NELL1: variants seen among roughly 807,000 people sequenced by gnomAD.
NELL1 encodes neural EGFL like 1.
Under a neutral mutation model 107.4 loss-of-function variants are expected in NELL1, and 76 were observed. The ratio of observed to expected loss-of-function variants is 0.71; its 90% CI spans 0.59 to 0.86. NELL1 has a LOEUF of 0.86. NELL1 is among the 40% of genes least tolerant of loss of function. NELL1 has a pLI of 0.00. For synonymous variants in NELL1, 353 were observed against 341.2 expected (o/e 1.03, Z -0.38); for missense variants, 1,024 against 1,005.5 (o/e 1.02, Z -0.25).
At chr11:20,878,284 G>A (rs751706880) in intron 4 of NELL1, among the ~76,000 whole-genome samples, 10 of 148,232 alleles carry the variant, frequency 6.7e-5, no homozygotes, top group Non-Finnish European at 1.2e-4. Flanking sequence ...GTGTGAACCC[G>A]TGAGGTGGAG....
In NELL1 at chr11:21,143,728, G is replaced by C. The variant is rs1322542471; in HGVS notation, c.1426+30014G>C. 2.6e-5 allele frequency among the ~76,000 whole-genome samples: 4 copies of C among 152,198 alleles called. No individual in the cohort carries two copies. The East Asian group carries it at 7.7e-4, about 29-fold the overall frequency. ...GGTTTCTATGGTTGTGCAGTAGTAA[G>C]TCAGGAAATCTCATGGTGACCATTG... On this transcript the variant is annotated intron_variant, in intron 13 of 19. Transcript: ENST00000357134.
intron 2 of NELL1, among the ~76,000 whole-genome samples, chr11:20,741,846 C>A (rs1519730): frequency 0.63 from 95,382 of 152,118 alleles, 30,232 homozygotes; most frequent in Middle Eastern, 0.76. Flanking sequence ...GTTAGCCACC[C>A]CTTCCTGCAA....
At chr11:21,463,125 T>C (rs918874997) in intron 15 of NELL1, among the ~76,000 whole-genome samples, 9 of 152,082 alleles carry the variant, frequency 5.9e-5, no homozygotes, top group Non-Finnish European at 2.9e-5. Flanking sequence ...CTCTGTCTTC[T>C]GAGTTATGGT....
chr11:20,860,820 G>T (rs1318560969), intron 4 of NELL1, among the ~76,000 whole-genome samples: 1 of 152,212 alleles, frequency 6.6e-6, no homozygotes, highest in African/African-American at 2.4e-5. Context: ...AGGCATGAAG[G>T]AGTGGAGGAG....
intron 1 of NELL1, among the ~76,000 whole-genome samples, chr11:20,676,251 A>AT (rs1555051261): frequency 1.5e-5 from 2 of 135,716 alleles, no homozygotes; most frequent in African/African-American, 5.4e-5. Context: ...CTAAAGTAGG[A>AT]CCCCCCCATC....
chr11:21,502,289 A>G (rs1564927967), intron 15 of NELL1, among the ~76,000 whole-genome samples: 1 of 152,182 alleles, frequency 6.6e-6, no homozygotes, highest in Non-Finnish European at 1.5e-5. Flanking sequence ...TATGTGGGAA[A>G]ACTAAGGATT....
intron 16 of NELL1, among the ~76,000 whole-genome samples, chr11:21,536,216 G>A (rs1186965407): frequency 1.3e-5 from 2 of 152,154 alleles, no homozygotes; most frequent in African/African-American, 2.4e-5. Flanking sequence ...AAGGTAGTGA[G>A]CATAGTACAC....
chr11:21,550,955 G>C (rs1236749886), intron 16 of NELL1, among the ~76,000 whole-genome samples: 1 of 151,216 alleles, frequency 6.6e-6, no homozygotes, highest in Non-Finnish European at 1.5e-5. Flanking sequence ...TCACGATGTT[G>C]ATTCTTCCTA....
intron 2 of NELL1, among the ~76,000 whole-genome samples, chr11:20,745,256 G>C (rs979767222): frequency 6.6e-6 from 1 of 152,094 alleles, no homozygotes; most frequent in Admixed American, 6.6e-5. Flanking sequence ...ATTTTTATAT[G>C]CCTTAAAGCC....
chr11:21,103,870 C>G (rs188684134), intron 12 of NELL1, among the ~76,000 whole-genome samples: 2 of 152,254 alleles, frequency 1.3e-5, no homozygotes, highest in African/African-American at 4.8e-5. Context: ...TCTTCTTTCT[C>G]TTGTAGAAAT....
chr11:21,182,540 G>A (rs1157432682), intron 13 of NELL1, among the ~76,000 whole-genome samples: 1 of 151,478 alleles, frequency 6.6e-6, no homozygotes, highest in Non-Finnish European at 1.5e-5. Flanking sequence ...TTATAAGAGA[G>A]AATTTAATAT....
chr11:21,004,616 A>T (rs1852291262), intron 12 of NELL1, among the ~76,000 whole-genome samples: 1 of 152,112 alleles, frequency 6.6e-6, no homozygotes, highest in African/African-American at 2.4e-5. Context: ...TATGTCCATG[A>T]TTAAGTGAGA....
At chr11:21,335,711 C>T (rs1277487359) in intron 14 of NELL1, among the ~76,000 whole-genome samples, 1 of 152,026 alleles carries the variant, frequency 6.6e-6, no homozygotes, top group Non-Finnish European at 1.5e-5. Flanking sequence ...AAACGCAAAT[C>T]CATTTGTACA....
intron 14 of NELL1, among the ~76,000 whole-genome samples, chr11:21,264,967 G>A (rs1848608099): frequency 6.6e-6 from 1 of 152,006 alleles, no homozygotes; most frequent in African/African-American, 2.4e-5. Context: ...TAGATAGGGA[G>A]AAAGATAATT....
intron 12 of NELL1, among the ~76,000 whole-genome samples, chr11:20,977,437 T>G (rs1365130100): frequency 6.6e-6 from 1 of 151,964 alleles, no homozygotes; most frequent in Non-Finnish European, 1.5e-5. Flanking sequence ...GCTAATTTTT[T>G]TGTATTTTAC....
intron 12 of NELL1, among the ~76,000 whole-genome samples, chr11:20,995,825 G>A (rs1852079547): frequency 6.6e-6 from 1 of 152,114 alleles, no homozygotes; most frequent in Non-Finnish European, 1.5e-5. Context: ...CCTCCTTAGA[G>A]CTAATCTGGC....
intron 12 of NELL1, among the ~76,000 whole-genome samples, chr11:21,112,799 A>G (rs913024345): frequency 5.3e-5 from 8 of 152,030 alleles, no homozygotes; most frequent in Non-Finnish European, 7.4e-5. Flanking sequence ...TTGGATTCCC[A>G]TGATGTACTC....
At chr11:21,337,837 T>TTTCTTGCTTGC (rs71034505) in intron 14 of NELL1, among the ~76,000 whole-genome samples, 1 of 86,652 alleles carries the variant, frequency 1.2e-5, no homozygotes, top group Non-Finnish European at 2.3e-5. Flanking sequence ...TCTTTCTTTC[T>TTTCTTGCTTGC]TTTCTTTCTT....
intron 15 of NELL1, among the ~76,000 whole-genome samples, chr11:21,415,488 C>A (rs1279903372): frequency 6.6e-6 from 1 of 152,002 alleles, no homozygotes; most frequent in Non-Finnish European, 1.5e-5. Flanking sequence ...CTGTATGCAT[C>A]TAGATTAAAA....
Sources: allele counts gnomAD v4.1 joint callset (sites outside exome capture counted in the v4.1 genomes callset), GRCh38; gene constraint gnomAD v4.1.1; transcripts MANE v1.5; gene names NCBI Gene and HGNC (gene_info 2026-07-23, HGNC 2026-07-21).